HIBADH: variants seen among roughly 807,000 people sequenced by gnomAD.
The protein encoded by HIBADH is 3-hydroxyisobutyrate dehydrogenase, mitochondrial.
A neutral mutation model predicts 36.1 loss-of-function variants in HIBADH; 25 were observed. That is an observed-to-expected ratio of 0.69 (90% CI 0.50 to 0.97). The LOEUF is 0.97. Among genes scored for constraint, HIBADH ranks in the 50% least tolerant of loss-of-function variants. The pLI, the probability that HIBADH is intolerant of heterozygous loss-of-function variation, is 0.00. For synonymous variants in HIBADH, 160 were observed against 149.5 expected (o/e 1.07, Z -0.51); for missense variants, 421 against 418.0 (o/e 1.01, Z -0.06).
chr7:27,544,378 CAT>C (rs1414386403), intron 4 of HIBADH, among the ~76,000 whole-genome samples: 3 of 152,184 alleles, frequency 2.0e-5, no homozygotes, highest in African/African-American at 7.2e-5. Flanking sequence ...TGAGTGCCCA[CAT>C]GTTATGAAAA....
intron 5 of HIBADH, among the ~76,000 whole-genome samples, chr7:27,541,387 G>A (rs931634360): frequency 6.6e-6 from 1 of 151,926 alleles, no homozygotes; most frequent in African/African-American, 2.4e-5. Context: ...GCTTTAAGTT[G>A]TCATATTTTT....
intron 2 of HIBADH, among the ~76,000 whole-genome samples, chr7:27,642,708 G>A (rs1785983754): frequency 6.7e-6 from 1 of 149,038 alleles, no homozygotes; most frequent in African/African-American, 2.5e-5. Flanking sequence ...CTGGAGTGCA[G>A]TGGCGGGATC....
chr7:27,532,623 C>CCCAG (rs1417392227), intron 6 of HIBADH, among the ~76,000 whole-genome samples: 1 of 152,172 alleles, frequency 6.6e-6, no homozygotes, highest in East Asian at 1.9e-4. Flanking sequence ...TGCTATGTGG[C>CCCAG]ATATCATGTA....
intron 4 of HIBADH, among the ~76,000 whole-genome samples, chr7:27,579,205 T>C (rs916593390): frequency 6.6e-6 from 1 of 152,198 alleles, no homozygotes; most frequent in Non-Finnish European, 1.5e-5. Context: ...TCAAATTTCT[T>C]GGGTGTGATA....
chr7:27,594,194 A>G (rs1784991255), intron 4 of HIBADH, among the ~76,000 whole-genome samples: 1 of 145,012 alleles, frequency 6.9e-6, no homozygotes, highest in Non-Finnish European at 1.5e-5. Context: ...CCCCGGCTGG[A>G]GTGCAGTGGC....
intron 2 of HIBADH, chr7:27,647,730 G>C (rs1786097436): frequency 2.4e-6 from 1 of 408,378 alleles, no homozygotes; most frequent in African/African-American, 2.1e-5. Context: ...GGTAAGCCTG[G>C]TAACTTCAGA....
At chr7:27,653,570 C>T (rs1297145998) in intron 1 of HIBADH, among the ~76,000 whole-genome samples, 2 of 151,954 alleles carry the variant, frequency 1.3e-5, no homozygotes, top group African/African-American at 4.8e-5. Context: ...CCCGTCTCTA[C>T]TAAAAATACA....
At chr7:27,571,448 C>T (rs1051858419) in intron 4 of HIBADH, among the ~76,000 whole-genome samples, 2 of 152,182 alleles carry the variant, frequency 1.3e-5, no homozygotes, top group Non-Finnish European at 2.9e-5. Context: ...TGGTCTCAAA[C>T]TCCTGACCTC....
At chr7:27,659,069 A>G (rs910778501) in intron 1 of HIBADH, among the ~76,000 whole-genome samples, 3 of 152,254 alleles carry the variant, frequency 2.0e-5, no homozygotes, top group Admixed American at 6.5e-5. Context: ...CCAATGAGTT[A>G]TGCTACTTTG....
At chr7:27,654,454 A>G (rs1408828187) in intron 1 of HIBADH, among the ~76,000 whole-genome samples, 2 of 152,172 alleles carry the variant, frequency 1.3e-5, no homozygotes, top group African/African-American at 4.8e-5. Context: ...AACGCACAAG[A>G]GCAGCCACAG....
At chr7:27,598,238 G>A (rs1321155138) in intron 4 of HIBADH, among the ~76,000 whole-genome samples, 2 of 152,138 alleles carry the variant, frequency 1.3e-5, no homozygotes, top group African/African-American at 4.8e-5. Context: ...TATGCTACAT[G>A]AATGGGAGAA....
chr7:27,636,134 C>A (rs991846889), intron 2 of HIBADH, among the ~76,000 whole-genome samples: 12 of 152,140 alleles, frequency 7.9e-5, no homozygotes, highest in African/African-American at 9.7e-5. Flanking sequence ...GACTACACCC[C>A]CTTTTTACAT....
intron 5 of HIBADH, 59 bp from the exon 6 acceptor site, chr7:27,538,476 C>A: frequency 6.9e-7 from 1 of 1,449,934 alleles, no homozygotes; most frequent in Admixed American, 1.7e-5. Flanking sequence ...ACTCACAGGA[C>A]GTTTTTCCTT....
chr7:27,593,368 C>A (rs1309465582), intron 4 of HIBADH, among the ~76,000 whole-genome samples: 1 of 152,312 alleles, frequency 6.6e-6, no homozygotes, highest in Non-Finnish European at 1.5e-5. Context: ...TCAGTTCCCC[C>A]AGACTGTAAG....
chr7:27,570,328 C>T (rs1018956740), intron 4 of HIBADH, among the ~76,000 whole-genome samples: 5 of 152,134 alleles, frequency 3.3e-5, no homozygotes, highest in African/African-American at 1.2e-4. Flanking sequence ...TCTAAGGTGA[C>T]AGTTACTTGT....
At chr7:27,577,791 T>G (rs1049536484) in intron 4 of HIBADH, among the ~76,000 whole-genome samples, 10 of 152,180 alleles carry the variant, frequency 6.6e-5, no homozygotes, top group Non-Finnish European at 1.2e-4. Context: ...ATTTGAGATG[T>G]AAATAAAAGA....
At chr7:27,527,860 C>T (rs917722801) in intron 7 of HIBADH, among the ~76,000 whole-genome samples, 5 of 147,942 alleles carry the variant, frequency 3.4e-5, no homozygotes, top group Admixed American at 6.8e-5. Context: ...AAGTGATTCT[C>T]CTCCCGCAGC....
At chr7:27,636,937 T>C (rs1388682236) in intron 2 of HIBADH, among the ~76,000 whole-genome samples, 1 of 152,228 alleles carries the variant, frequency 6.6e-6, no homozygotes, top group Non-Finnish European at 1.5e-5. Flanking sequence ...TTTAGAAATA[T>C]GTCTACATAT....
At chr7:27,654,966 C>T (rs970215107) in intron 1 of HIBADH, among the ~76,000 whole-genome samples, 3 of 152,130 alleles carry the variant, frequency 2.0e-5, no homozygotes, top group African/African-American at 7.2e-5. Context: ...GGAGCGCAGG[C>T]GTGAGCCACC....
Sources: gnomAD v4.1 joint callset for allele counts (sites outside exome capture counted in the v4.1 genomes callset) on GRCh38, gnomAD v4.1.1 for gene constraint, MANE v1.5 for transcripts, NCBI Gene and HGNC (gene_info 2026-07-23, HGNC 2026-07-21) for gene names.